TSHR: variants seen among roughly 807,000 people sequenced by gnomAD.
TSHR encodes the protein thyroid stimulating hormone receptor.
Under a neutral mutation model 64.1 loss-of-function variants are expected in TSHR, and 51 were observed. That is an observed-to-expected ratio of 0.80 (90% confidence interval 0.64 to 1.01). TSHR has a LOEUF of 1.01. Among genes scored for constraint, TSHR ranks in the 50% least tolerant of loss-of-function variants. TSHR has a pLI of 0.00. For missense variants in TSHR, 877 were observed against 942.8 expected (o/e 0.93, Z 0.91); for synonymous variants, 361 against 361.9 (o/e 1.00, Z 0.03).
At chr14:81,096,923 GGTGTGTGTGTGTGTGT>G (rs147149121) in intron 7 of TSHR, among the ~76,000 whole-genome samples, 79 of 148,518 alleles carry the variant, frequency 5.3e-4, no homozygotes, top group African/African-American at 2.0e-3. Context: ...TTTTCTCCCT[GGTGTGTGTGTGTGTGT>G]GTGTGTGTGT....
chr14:80,970,195 AGT>A (rs1175119067), intron 1 of TSHR, among the ~76,000 whole-genome samples: 1 of 152,224 alleles, frequency 6.6e-6, no homozygotes, highest in Non-Finnish European at 1.5e-5. Flanking sequence ...TTTCAGTGAG[AGT>A]GCAGCAGAAA....
At chr14:80,968,409 G>T (rs1455686171) in intron 1 of TSHR, among the ~76,000 whole-genome samples, 1 of 151,844 alleles carries the variant, frequency 6.6e-6, no homozygotes, top group Non-Finnish European at 1.5e-5. Flanking sequence ...CAAGAAAGGG[G>T]AATACAAGCC....
At chr14:81,077,338 T>C in intron 3 of TSHR, among the ~76,000 whole-genome samples, 1 of 152,226 alleles carries the variant, frequency 6.6e-6, no homozygotes, top group East Asian at 1.9e-4. Flanking sequence ...AAATAATGGA[T>C]TGGAAGAGTA....
At chr14:80,981,542 G>T (rs1000073540) in intron 1 of TSHR, among the ~76,000 whole-genome samples, 1 of 152,158 alleles carries the variant, frequency 6.6e-6, no homozygotes. Flanking sequence ...GGGAAGGATA[G>T]CATCTTCTGA....
intron 3 of TSHR, among the ~76,000 whole-genome samples, chr14:81,076,323 A>G (rs1387546586): frequency 1.3e-5 from 2 of 152,024 alleles, no homozygotes; most frequent in Non-Finnish European, 2.9e-5. Flanking sequence ...TTGGGCTTTC[A>G]TATGGCCCAA....
intron 1 of TSHR, among the ~76,000 whole-genome samples, chr14:81,044,614 C>T (rs113694854): frequency 1.5e-4 from 22 of 149,636 alleles, no homozygotes; most frequent in African/African-American, 4.7e-4. Flanking sequence ...GCCGAGATTG[C>T]GCCACTGCAC....
intron 8 of TSHR, among the ~76,000 whole-genome samples, chr14:81,127,016 A>G (rs1034664767): frequency 1.6e-4 from 25 of 152,370 alleles, no homozygotes; most frequent in Admixed American, 1.4e-3. Context: ...AGCCATGTAT[A>G]CTATGTTCTG....
intron 8 of TSHR, among the ~76,000 whole-genome samples, chr14:81,110,083 C>T (rs1241441007): frequency 6.6e-6 from 1 of 152,034 alleles, no homozygotes; most frequent in African/African-American, 2.4e-5. Context: ...ACATATTATG[C>T]GATTTTCCTG....
chr14:81,001,916 G>A (rs896142785), intron 1 of TSHR: 36 of 184,838 alleles, frequency 1.9e-4, no homozygotes, highest in Non-Finnish European at 6.7e-5. Flanking sequence ...ATCTTTCACC[G>A]TCATTCATTT....
At chr14:81,009,633 T>G (rs1376824268) in intron 1 of TSHR, among the ~76,000 whole-genome samples, 1 of 152,178 alleles carries the variant, frequency 6.6e-6, no homozygotes, top group Non-Finnish European at 1.5e-5. Flanking sequence ...CTGTATCATA[T>G]TTTCTGTATC....
chr14:80,958,010 G>A (rs1886794536), intron 1 of TSHR: 1 of 152,164 alleles, frequency 6.6e-6, no homozygotes, highest in South Asian at 2.1e-4. Flanking sequence ...CTGATAAAAA[G>A]TGTGGGTAAA....
intron 3 of TSHR, chr14:81,087,676 C>A: frequency 4.8e-6 from 2 of 417,406 alleles, no homozygotes; most frequent in African/African-American, 2.0e-5. Context: ...AAAAAAAATT[C>A]TGATACTACA....
intron 1 of TSHR, among the ~76,000 whole-genome samples, chr14:81,045,522 G>A (rs530903832): frequency 6.6e-6 from 1 of 152,226 alleles, no homozygotes; most frequent in African/African-American, 2.4e-5. Context: ...GCATCAATTA[G>A]CTATTCTTCC....
At chr14:80,972,244 C>T (rs1402296350) in intron 1 of TSHR, among the ~76,000 whole-genome samples, 1 of 151,836 alleles carries the variant, frequency 6.6e-6, no homozygotes, top group Admixed American at 6.6e-5. Flanking sequence ...CATGGGTTTT[C>T]GTTTTTGTTT....
chr14:81,122,046 TTTTTTTTTTTTTTTTG>T (rs1890822032), intron 8 of TSHR, among the ~76,000 whole-genome samples: 2 of 48,134 alleles, frequency 4.2e-5, no homozygotes, highest in African/African-American at 2.4e-4. Context: ...TTTTTTTTTT[TTTTTTTTTTTTTTTTG>T]AGACGAAGTC....
intron 1 of TSHR, among the ~76,000 whole-genome samples, chr14:80,989,415 G>A (rs543081394): frequency 1.3e-5 from 2 of 152,178 alleles, no homozygotes; most frequent in Non-Finnish European, 2.9e-5. Context: ...TAACATGGCA[G>A]TCGACATCTT....
At chr14:80,994,172 T>C (rs1319592786) in intron 1 of TSHR, 2 of 150,888 alleles carry the variant, frequency 1.3e-5, no homozygotes, top group East Asian at 2.0e-4. Flanking sequence ...TAACGTTTTC[T>C]TTTTTTTTCT....
chr14:81,065,994 G>A (rs998232557), intron 2 of TSHR, among the ~76,000 whole-genome samples: 5 of 152,138 alleles, frequency 3.3e-5, no homozygotes, highest in African/African-American at 4.8e-5. Context: ...GTTTAAATGC[G>A]AAGAAGAAGT....
chr14:80,973,088 T>C (rs1472215604), intron 1 of TSHR, among the ~76,000 whole-genome samples: 1 of 151,982 alleles, frequency 6.6e-6, no homozygotes, highest in East Asian at 1.9e-4. Flanking sequence ...ATACCTTAGA[T>C]ACAAAAATCT....
Sources: allele counts gnomAD v4.1 joint callset (sites outside exome capture counted in the v4.1 genomes callset), GRCh38; gene constraint gnomAD v4.1.1; transcripts MANE v1.5; gene names NCBI Gene and HGNC (gene_info 2026-07-23, HGNC 2026-07-21).